Variants in PRR16 observed in about 807,000 individuals in gnomAD.
PRR16 encodes protein Largen.
In PRR16, 6 loss-of-function variants were observed where a neutral mutation model predicts 18.2. The ratio of observed to expected loss-of-function variants is 0.33; its 90% CI spans 0.18 to 0.65. The LOEUF (loss-of-function observed/expected upper bound fraction) is 0.65. Among genes scored for constraint, PRR16 ranks in the 30% least tolerant of loss-of-function variants. The pLI is 0.74. For missense variants in PRR16, 412 were observed against 376.6 expected (o/e 1.09, Z -0.78); for synonymous variants, 151 against 147.8 (o/e 1.02, Z -0.16).
At chr5:120,642,623 A>G (rs1755460723) in intron 1 of PRR16, among the ~76,000 whole-genome samples, 2 of 152,034 alleles carry the variant, frequency 1.3e-5, no homozygotes, top group South Asian at 4.2e-4. Context: ...TGCAACCATA[A>G]ATTTTGCTAT....
intron 1 of PRR16, among the ~76,000 whole-genome samples, chr5:120,588,701 G>A (rs1753533008): frequency 6.6e-6 from 1 of 152,024 alleles, no homozygotes; most frequent in South Asian, 2.1e-4. Context: ...ATACCTCCAA[G>A]GTATGCCTAT....
At chr5:120,780,064 A>G in the PRR16 span, among the ~76,000 whole-genome samples, 43 of 152,296 alleles carry the variant, frequency 2.8e-4, no homozygotes, top group African/African-American at 9.9e-4. Context: ...CTAGATATTA[A>G]TGTCTATCCT....
At chr5:120,700,606 TAA>T in the PRR16 span, among the ~76,000 whole-genome samples, 1 of 151,686 alleles carries the variant, frequency 6.6e-6, no homozygotes, top group African/African-American at 2.4e-5. Context: ...AAGGAGTGCT[TAA>T]AAGAGTATTG....
At chr5:120,750,598 C>T in the PRR16 span, among the ~76,000 whole-genome samples, 6 of 151,720 alleles carry the variant, frequency 4.0e-5, no homozygotes, top group East Asian at 1.9e-4. Context: ...ACATGGGAGG[C>T]GGAGGTTGCA....
the PRR16 span, among the ~76,000 whole-genome samples, chr5:120,711,534 A>G: frequency 6.6e-6 from 1 of 152,230 alleles, no homozygotes; most frequent in African/African-American, 2.4e-5. Flanking sequence ...AGATTTACCC[A>G]AACATTCAGC....
intron 1 of PRR16, chr5:120,531,338 G>C (rs916617833): frequency 1.6e-4 from 25 of 152,072 alleles, no homozygotes; most frequent in African/African-American, 6.0e-4. Context: ...AGTTGTTTAG[G>C]GGGAGTAGCT....
intron 1 of PRR16, among the ~76,000 whole-genome samples, chr5:120,507,800 A>G (rs1750694827): frequency 6.6e-6 from 1 of 152,102 alleles, no homozygotes; most frequent in Admixed American, 6.6e-5. Flanking sequence ...TGTCTTTAAA[A>G]AAAATTACTG....
intron 1 of PRR16, among the ~76,000 whole-genome samples, chr5:120,611,487 G>A (rs1960572): frequency 0.52 from 78,648 of 152,006 alleles, 20,991 homozygotes; most frequent in East Asian, 0.82. Flanking sequence ...CATGCTGTGT[G>A]CAGCCTAGGG....
At chr5:120,780,733 G>A in the PRR16 span, among the ~76,000 whole-genome samples, 1 of 152,154 alleles carries the variant, frequency 6.6e-6, no homozygotes, top group Middle Eastern at 3.4e-3. Flanking sequence ...TTACTACATC[G>A]TAGTAACCTT....
chr5:120,495,168 A>G (rs1750202236), intron 1 of PRR16, among the ~76,000 whole-genome samples: 1 of 152,126 alleles, frequency 6.6e-6, no homozygotes, highest in African/African-American at 2.4e-5. Flanking sequence ...AGCATAATTA[A>G]AAACTTTACA....
chr5:120,590,115 T>C (rs1412766645), intron 1 of PRR16, among the ~76,000 whole-genome samples: 1 of 152,152 alleles, frequency 6.6e-6, no homozygotes, highest in Non-Finnish European at 1.5e-5. Context: ...TAAGAGTAGT[T>C]TTACTCTCAA....
the PRR16 span, among the ~76,000 whole-genome samples, chr5:120,738,657 A>C: frequency 6.6e-6 from 1 of 152,234 alleles, no homozygotes; most frequent in South Asian, 2.1e-4. Flanking sequence ...CTTATCTTAG[A>C]TTTCTCTTCT....
In PRR16 at chr5:120,465,922, G is replaced by A. The variant is rs558302098; in HGVS notation, c.159+1277G>A. On this transcript the variant is annotated intron_variant, in intron 1 of 1. Transcript: ENST00000407149. ...TCAATTTCCAAACCAAATTTCAAGA[G>A]CCCCCTCGTCTTCCTCCCCTTCCCC... is the stretch of plus-strand genomic sequence containing the variant. Among the ~76,000 whole-genome samples the A allele has an allele frequency of 5.3e-5, 8 of 152,228 alleles. 1 individual carries two copies. Among genetic ancestry groups the A allele is most frequent in the African/African-American group, 1.9e-4 (8 of 41,530 alleles).
chr5:120,604,144 G>T (rs755072533), intron 1 of PRR16, among the ~76,000 whole-genome samples: 1 of 151,456 alleles, frequency 6.6e-6, no homozygotes, highest in Non-Finnish European at 1.5e-5. Flanking sequence ...GTCTAACACC[G>T]TCAGTGGAGT....
chr5:120,668,886 C>T (rs1756491857), intron 1 of PRR16, among the ~76,000 whole-genome samples: 1 of 152,264 alleles, frequency 6.6e-6, no homozygotes, highest in East Asian at 1.9e-4. Flanking sequence ...CTGCCCTTAA[C>T]ATTTTTTCCT....
At chr5:120,680,520 CA>C (rs1756937269) in intron 1 of PRR16, among the ~76,000 whole-genome samples, 1 of 152,068 alleles carries the variant, frequency 6.6e-6, no homozygotes, top group Non-Finnish European at 1.5e-5. Context: ...TGTGTATTTC[CA>C]ACCCTGTGAA....
chr5:120,693,075 A>T, the PRR16 span, among the ~76,000 whole-genome samples: 1 of 152,176 alleles, frequency 6.6e-6, no homozygotes, highest in Non-Finnish European at 1.5e-5. Flanking sequence ...AAATATCATG[A>T]CTTACTACAG....
At chr5:120,588,142 G>A (rs56398187) in intron 1 of PRR16, among the ~76,000 whole-genome samples, 71 of 152,310 alleles carry the variant, frequency 4.7e-4, no homozygotes, top group African/African-American at 1.7e-3. Flanking sequence ...TTTAATGGAT[G>A]AGAGATTTCT....
chr5:120,518,322 T>C (rs1427981230), intron 1 of PRR16, among the ~76,000 whole-genome samples: 1 of 152,130 alleles, frequency 6.6e-6, no homozygotes, highest in Non-Finnish European at 1.5e-5. Flanking sequence ...TAATTGTATA[T>C]ATATATATTT....
Sources: allele counts gnomAD v4.1 joint callset (sites outside exome capture counted in the v4.1 genomes callset), GRCh38; gene constraint gnomAD v4.1.1; transcripts MANE v1.5; gene names NCBI Gene and HGNC (gene_info 2026-07-23, HGNC 2026-07-21).